The following C17orf99 variants were observed in gnomAD, a reference collection of about 807,000 sequenced individuals.
C17orf99 encodes protein IL-40.
C17orf99 carries 18 observed loss-of-function variants against 22.6 expected under a neutral mutation model. That is an observed-to-expected ratio of 0.80 (90% confidence interval 0.55 to 1.18). The LOEUF (loss-of-function observed/expected upper bound fraction) is 1.18. Among genes scored for constraint, C17orf99 ranks in the 50% most tolerant of loss-of-function variants. C17orf99 has a pLI of 0.00. For missense variants in C17orf99, 328 were observed against 342.7 expected, an observed-to-expected ratio of 0.96 and a Z score of 0.34; for synonymous variants, 147 against 136.6, an observed-to-expected ratio of 1.08 and a Z score of -0.53.
chr17:78,165,756 C>G (rs1455525545), intron 4 of C17orf99, 133 bp from the exon 5 acceptor site: 2 of 1,212,726 alleles, frequency 1.6e-6, no homozygotes, highest in African/African-American at 3.1e-5. Context: ...GAGCCGAGAT[C>G]GTGCCATTGC....
At position 78,166,220 on chromosome 17, in the gene C17orf99, A is replaced by G. The variant is rs1043879436; in HGVS notation, c.*174A>G. On this transcript the variant is annotated 3_prime_UTR_variant, in exon 5 of 5. Transcript: ENST00000340363. ...GGTGGATATGTTAACTTGCTTCGCT[A>G]TAGGAACCTTTGTGCTATCTATATT... The G allele has an allele frequency of 7.7e-6, 3 of 391,136 alleles. No homozygotes were observed. Among genetic ancestry groups the G allele is most frequent in the East Asian group, 7.3e-5 (2 of 27,474 alleles). 24.2% of individuals were successfully genotyped at this position (391,136 alleles called of 1,614,324 possible).
intron 4 of C17orf99, chr17:78,165,458 T>G (rs752387903): frequency 4.7e-5 from 46 of 985,408 alleles, no homozygotes; most frequent in Non-Finnish European, 5.1e-5. Flanking sequence ...GTGGGGTGAG[T>G]AAGCCTCATG....
At chr17:78,155,142 T>G (rs987653299) in intron 2 of C17orf99, among the ~76,000 whole-genome samples, 9 of 141,418 alleles carry the variant, frequency 6.4e-5, no homozygotes, top group African/African-American at 2.3e-4. Flanking sequence ...TTTTTTTTTT[T>G]TGTGGAGATG....
chr17:78,147,136 A>C (rs2075443645), intron 2 of C17orf99, among the ~76,000 whole-genome samples: 3 of 152,232 alleles, frequency 2.0e-5, no homozygotes. Context: ...CGGGGCACAC[A>C]GGCAGGGAAG....
chr17:78,153,346 G>A (rs1345849217), intron 2 of C17orf99, among the ~76,000 whole-genome samples: 2 of 152,006 alleles, frequency 1.3e-5, no homozygotes, highest in African/African-American at 2.4e-5. Context: ...TTAGCCGGGC[G>A]TGGTGGTGCA....
chr17:78,157,055 C>A (rs2075531086), intron 2 of C17orf99, among the ~76,000 whole-genome samples: 1 of 152,042 alleles, frequency 6.6e-6, no homozygotes, highest in Non-Finnish European at 1.5e-5. Context: ...ATTGGCCGTG[C>A]ACGGTGGCTC....
At position 78,164,806 on chromosome 17, in the gene C17orf99, C is replaced by T. The variant is rs552795047; in HGVS notation, c.640+442C>T. The T allele has an allele frequency of 1.1e-5, 13 of 1,236,630 alleles. No homozygotes were observed. In the Admixed American group the frequency reaches 2.1e-4, roughly 20 times the overall value. The allele number at this position is 1,236,630 out of a possible 1,614,324, so 76.6% of individuals were successfully genotyped here. ...GGCAAAGAGCGGCCATCACCGCTTA[C>T]GCATGACTCGAAGGTGTTTATGAGG... is the stretch of plus-strand genomic sequence containing the variant. On this transcript the variant is annotated intron_variant, in intron 4 of 4. Transcript: ENST00000340363.
At chr17:78,158,014 G>C in intron 2 of C17orf99, 1 of 1,366,152 alleles carries the variant, frequency 7.3e-7, no homozygotes, top group Non-Finnish European at 1.0e-6. Context: ...ATGACTTCCA[G>C]CTGATTGGCA....
At chr17:78,153,680 T>C (rs2075503024) in intron 2 of C17orf99, among the ~76,000 whole-genome samples, 1 of 152,094 alleles carries the variant, frequency 6.6e-6, no homozygotes, top group South Asian at 2.1e-4. Context: ...GGTGATCGCG[T>C]GTCAGCCCTG....
At chr17:78,157,057 C>T (rs949580328) in intron 2 of C17orf99, among the ~76,000 whole-genome samples, 1 of 151,954 alleles carries the variant, frequency 6.6e-6, no homozygotes, top group Non-Finnish European at 1.5e-5. Context: ...TGGCCGTGCA[C>T]GGTGGCTCAC....
At chr17:78,157,662 T>C (rs1453514404) in intron 2 of C17orf99, among the ~76,000 whole-genome samples, 3 of 151,716 alleles carry the variant, frequency 2.0e-5, no homozygotes, top group Non-Finnish European at 4.4e-5. Flanking sequence ...CCGGGCGTGG[T>C]GGCGGGCGCC....
chr17:78,149,996 A>C lies in C17orf99; in HGVS notation c.70+3085A>C, dbSNP rs577369291. 7.3e-5 allele frequency among the ~76,000 whole-genome samples: 11 copies of C among 149,776 alleles called. No homozygotes were observed. In the East Asian group the frequency reaches 2.2e-3, roughly 30 times the overall value. On this transcript the variant is annotated intron_variant, in intron 2 of 4. Transcript: ENST00000340363. ...AGTGCTGGGATTACAGGCGAGAGCC[A>C]CCACGCCCGGAAGCTAATTTTTTTT...
At position 78,161,193 on chromosome 17, in the gene C17orf99, C is replaced by T. The variant is rs1338394789; in HGVS notation, c.309C>T (p.Ser103=). ...TGCTCACCTACTTCTGCTGGGCGTC[C>T]TCCACCTCAGGTGCCCATGTGGACA... ...PDLLTYFCWA[S]STSGAHVDSA... Residue 103 remains serine, a synonymous_variant, in exon 3 of 5, where the codon TCC becomes TCT. Coordinates refer to ENST00000340363, the MANE Select transcript of C17orf99 (RefSeq NM_001163075.2). 8.4e-6 allele frequency: 13 copies of T among 1,551,754 alleles called. No homozygotes were observed. The highest frequency in any genetic ancestry group is 2.4e-5 in the South Asian group (2 of 84,064).
chr17:78,158,302 T>A (rs1297095005), intron 2 of C17orf99: 6,853 of 276,298 alleles, frequency 0.025, 17 homozygotes, highest in East Asian at 0.075. Context: ...TCCTACACAT[T>A]TTTTTTTTTT....
intron 2 of C17orf99, among the ~76,000 whole-genome samples, chr17:78,151,456 A>G (rs1383977994): frequency 6.6e-6 from 1 of 151,414 alleles, no homozygotes; most frequent in Non-Finnish European, 1.5e-5. Context: ...AGCAAAAGAC[A>G]AAAGACAACC....
chr17:78,150,511 T>A (rs1022229990), intron 2 of C17orf99, among the ~76,000 whole-genome samples: 4 of 152,148 alleles, frequency 2.6e-5, no homozygotes, highest in Admixed American at 1.3e-4. Flanking sequence ...GACAGGCATC[T>A]TCAAGGAGGG....
intron 4 of C17orf99, 31 bp from the exon 5 acceptor site, chr17:78,165,858 G>T: frequency 7.7e-7 from 1 of 1,296,306 alleles, no homozygotes; most frequent in Non-Finnish European, 9.9e-7. Context: ...AGGTGAGCCT[G>T]CCTGACTTGA....
At position 78,146,650 on chromosome 17, in the gene C17orf99, T is replaced by G. The variant is rs542442557; in HGVS notation, c.37+206T>G. ...TGTGGTCCAGGGATTTCTGCACCAT[T>G]CTGGGCTCACTACTTACCCATCTGC... On this transcript the variant is annotated intron_variant, in intron 1 of 4. Transcript: ENST00000340363. This position sits in a 1 kb window ranked among gnomAD's most constrained non-coding sequence, Gnocchi z 5.2. Among the ~76,000 whole-genome samples the G allele has an allele frequency of 6.6e-6, 1 of 152,144 alleles. No individual in the cohort carries two copies. The highest frequency in any genetic ancestry group is 2.1e-4 in the South Asian group (1 of 4,812).
chr17:78,146,943 C>T lies in C17orf99; in HGVS notation c.70+32C>T, dbSNP rs1362976674. Reference sequence around the variant, plus strand: ...GGCATAGCCTGCTGCAGGGAGAAGTCCCCCAGCTGGGACCCTGGTGTCAGA... The same window carrying T: ...GGCATAGCCTGCTGCAGGGAGAAGTTCCCCAGCTGGGACCCTGGTGTCAGA... On this transcript the variant is annotated intron_variant, in intron 2 of 4. Transcript: ENST00000340363. This position sits in a 1 kb window ranked among gnomAD's most constrained non-coding sequence, Gnocchi z 5.2. 1.3e-6 allele frequency: 2 copies of T among 1,546,600 alleles called. No individual in the cohort carries two copies. Among genetic ancestry groups the T allele is most frequent in the African/African-American group, 2.7e-5 (2 of 72,930 alleles).
Sources: allele counts gnomAD v4.1 joint callset (sites outside exome capture counted in the v4.1 genomes callset), GRCh38; gene constraint gnomAD v4.1.1; non-coding constraint Gnocchi (gnomAD v3.1); transcripts MANE v1.5; gene names NCBI Gene and HGNC (gene_info 2026-07-23, HGNC 2026-07-21).